Variants in PRORP observed in about 807,000 individuals in gnomAD.
PRORP encodes protein only RNase P catalytic subunit.
A neutral mutation model predicts 59.4 loss-of-function variants in PRORP; 51 were observed. The observed-to-expected ratio is 0.86, with a 90% CI of 0.69 to 1.08. The LOEUF (loss-of-function observed/expected upper bound fraction) is 1.08, where lower values mean the gene tolerates loss of function less well. Among genes scored for constraint, PRORP ranks in the 50% least tolerant of loss-of-function variants. The pLI, the probability that PRORP is intolerant of heterozygous loss-of-function variation, is 0.00. For synonymous variants in PRORP, 231 were observed against 245.6 expected, an observed-to-expected ratio of 0.94 and a Z score of 0.55; for missense variants, 646 against 690.3, an observed-to-expected ratio of 0.94 and a Z score of 0.72.
At chr14:35,246,731 T>C (rs1477713292) in intron 5 of PRORP, among the ~76,000 whole-genome samples, 1 of 152,218 alleles carries the variant, frequency 6.6e-6, no homozygotes, top group African/African-American at 2.4e-5. Flanking sequence ...CCTGAAAGTT[T>C]ATGTTCTACT....
chr14:35,166,422 G>C (rs936926108), intron 4 of PRORP, among the ~76,000 whole-genome samples: 1 of 146,694 alleles, frequency 6.8e-6, no homozygotes, highest in Non-Finnish European at 1.5e-5. Context: ...TTGTATTTGA[G>C]TTTCAGAACA....
chr14:35,124,637 A>G (rs889670768), intron 2 of PRORP, among the ~76,000 whole-genome samples: 1 of 150,640 alleles, frequency 6.6e-6, no homozygotes, highest in African/African-American at 2.5e-5. Context: ...AACTGAAATT[A>G]TATAGCAGTT....
At chr14:35,170,205 C>A (rs1177180656) in intron 4 of PRORP, among the ~76,000 whole-genome samples, 24 of 152,076 alleles carry the variant, frequency 1.6e-4, no homozygotes, top group Non-Finnish European at 2.6e-4. Context: ...ATAAGTACAT[C>A]TATTATAGAT....
chr14:35,122,165 G>T, upstream of PRORP: 1 of 576,230 alleles, frequency 1.7e-6, no homozygotes, highest in Non-Finnish European at 3.1e-6. Flanking sequence ...CTGACTGGGG[G>T]AAAAAACTAT....
chr14:35,123,038 G>T lies in PRORP; in HGVS notation c.-208G>T. On this transcript the variant is annotated 5_prime_UTR_variant, in exon 2 of 8. Transcript: ENST00000534898. ...TTGCGACGTTGGACATCCCCGGATT[G>T]TTGTTTAATAGAGAAAACTCACCTG... 1.7e-6 allele frequency: 1 copy of T among 572,788 alleles called. No homozygotes were observed. Among genetic ancestry groups the T allele is most frequent in the Non-Finnish European group, 3.1e-6 (1 of 325,994 alleles). The allele number at this position is 572,788 out of a possible 1,614,324, so 35.5% of individuals were successfully genotyped here.
At chr14:35,148,911 A>ATT (rs1186320988) in intron 4 of PRORP, among the ~76,000 whole-genome samples, 13,452 of 82,836 alleles carry the variant, frequency 0.16, 1,207 homozygotes, top group East Asian at 0.27. Flanking sequence ...GCACTTTTTA[A>ATT]TTTTTTTTTT....
At chr14:35,173,585 T>C (rs1057405342) in intron 4 of PRORP, among the ~76,000 whole-genome samples, 1 of 152,132 alleles carries the variant, frequency 6.6e-6, no homozygotes, top group African/African-American at 2.4e-5. Context: ...TGCCCCAAAC[T>C]CTGTCTTCTG....
At chr14:35,201,904 C>T (rs1171121589) in intron 5 of PRORP, among the ~76,000 whole-genome samples, 2 of 151,734 alleles carry the variant, frequency 1.3e-5, no homozygotes, top group East Asian at 3.9e-4. Flanking sequence ...ATGATCTGCC[C>T]ACTTGGGCCT....
chr14:35,273,371 G>T, intron 7 of PRORP, 64 bp from the exon 8 acceptor site: 1 of 1,480,420 alleles, frequency 6.8e-7, no homozygotes, highest in South Asian at 1.4e-5. Context: ...GTGTCAGAAA[G>T]AGAAATGGCC....
At chr14:35,209,815 C>T (rs1168686205) in intron 5 of PRORP, among the ~76,000 whole-genome samples, 5 of 152,100 alleles carry the variant, frequency 3.3e-5, no homozygotes, top group East Asian at 1.9e-4. Flanking sequence ...GGATTACAGG[C>T]GTGAGCCACC....
At chr14:35,136,327 A>G (rs573383561) in intron 4 of PRORP, among the ~76,000 whole-genome samples, 1 of 152,136 alleles carries the variant, frequency 6.6e-6, no homozygotes, top group African/African-American at 2.4e-5. Context: ...TACCAAGAAC[A>G]GGTATGAGGA....
chr14:35,234,231 A>G (rs546955260), intron 5 of PRORP, among the ~76,000 whole-genome samples: 10 of 152,290 alleles, frequency 6.6e-5, no homozygotes, highest in Non-Finnish European at 7.3e-5. Flanking sequence ...GAGATTGTGC[A>G]ATTAGGGAAT....
At chr14:35,173,606 C>T (rs1023088317) in intron 4 of PRORP, among the ~76,000 whole-genome samples, 3 of 152,082 alleles carry the variant, frequency 2.0e-5, no homozygotes, top group African/African-American at 7.2e-5. Flanking sequence ...TTTCCTCAAA[C>T]CAGTAAGTTC....
intron 5 of PRORP, among the ~76,000 whole-genome samples, chr14:35,200,657 TTA>T (rs1173159414): frequency 1.3e-5 from 2 of 151,544 alleles, no homozygotes; most frequent in African/African-American, 4.8e-5. Flanking sequence ...TCTGAGAAAA[TTA>T]TATATATGTT....
chr14:35,273,310 T>G, intron 7 of PRORP, 125 bp from the exon 8 acceptor site: 2 of 896,334 alleles, frequency 2.2e-6, no homozygotes, highest in Admixed American at 7.2e-5. Context: ...GAAAATCCAT[T>G]ATTAAGTGAG....
chr14:35,145,008 T>C (rs2047571011), intron 4 of PRORP, among the ~76,000 whole-genome samples: 1 of 145,720 alleles, frequency 6.9e-6, no homozygotes, highest in Non-Finnish European at 1.5e-5. Context: ...GAGACCCTTG[T>C]CACCCAAACT....
chr14:35,152,691 G>C (rs941635599), intron 4 of PRORP, among the ~76,000 whole-genome samples: 1 of 146,790 alleles, frequency 6.8e-6, no homozygotes, highest in African/African-American at 2.5e-5. Context: ...GCTGCCGGGC[G>C]GAGGGGCTCC....
chr14:35,127,476 C>T lies in PRORP; in HGVS notation c.1035-3C>T, dbSNP rs752611813. 1 of 1,563,746 alleles carries T rather than the reference C, an allele frequency of 6.4e-7. No homozygotes were observed. Among genetic ancestry groups the T allele is most frequent in the East Asian group, 2.4e-5 (1 of 42,362 alleles). ...TATTATTATTTAACAATTATAATTA[C>T]AGTGGCCAGTGTTCGGGCTGTGGAA... On this transcript the variant is annotated splice_region_variant and splice_polypyrimidine_tract_variant and intron_variant, in intron 3 of 7. Transcript: ENST00000534898.
intron 4 of PRORP, among the ~76,000 whole-genome samples, chr14:35,133,539 C>T (rs527947377): frequency 2.6e-5 from 4 of 152,202 alleles, no homozygotes; most frequent in East Asian, 3.9e-4. Flanking sequence ...TTTGTGATGT[C>T]CTGTTTTCCT....
Sources: gnomAD v4.1 joint callset for allele counts (sites outside exome capture counted in the v4.1 genomes callset) on GRCh38, gnomAD v4.1.1 for gene constraint, MANE v1.5 for transcripts, NCBI Gene and HGNC (gene_info 2026-07-23, HGNC 2026-07-21) for gene names.